Variants in FMNL2 observed in about 807,000 individuals in gnomAD.
FMNL2 encodes the protein formin like 2.
FMNL2 carries 51 observed loss-of-function variants against 130.2 expected under a neutral mutation model. That is an observed-to-expected ratio of 0.39 (90% CI 0.31 to 0.49). The LOEUF (loss-of-function observed/expected upper bound fraction) is 0.49, where lower values mean the gene tolerates loss of function less well. Among genes scored for constraint, FMNL2 ranks in the 20% least tolerant of loss-of-function variants. The pLI is 0.85. For synonymous variants in FMNL2, 465 were observed against 467.1 expected (o/e 1.00, Z 0.06); for missense variants, 977 against 1,316.2 (o/e 0.74, Z 3.99).
At chr2:152,398,730 G>A (rs1206626504) in intron 1 of FMNL2, among the ~76,000 whole-genome samples, 2 of 152,214 alleles carry the variant, frequency 1.3e-5, no homozygotes, top group African/African-American at 4.8e-5. Flanking sequence ...TAAAGAAATA[G>A]TATAGAGGAT....
intron 1 of FMNL2, among the ~76,000 whole-genome samples, chr2:152,427,953 A>C (rs1328431608): frequency 2.0e-5 from 3 of 152,204 alleles, no homozygotes; most frequent in Non-Finnish European, 4.4e-5. Flanking sequence ...ACAACATAGG[A>C]TTACATTCAG....
intron 2 of FMNL2, among the ~76,000 whole-genome samples, chr2:152,525,301 C>T (rs1693326373): frequency 1.3e-5 from 2 of 152,130 alleles, no homozygotes. Flanking sequence ...ATAACTGTGC[C>T]CCTGCTGGAT....
chr2:152,577,643 G>A (rs1696549214), intron 7 of FMNL2, among the ~76,000 whole-genome samples: 3 of 152,188 alleles, frequency 2.0e-5, no homozygotes, highest in Admixed American at 2.0e-4. Flanking sequence ...TAGGAGCCAA[G>A]TGAAGGACAT....
intron 1 of FMNL2, among the ~76,000 whole-genome samples, chr2:152,392,347 C>A (rs1193146371): frequency 6.6e-6 from 1 of 152,096 alleles, no homozygotes; most frequent in Non-Finnish European, 1.5e-5. Flanking sequence ...ATGCATTTTT[C>A]ATCTTTTCTG....
intron 1 of FMNL2, among the ~76,000 whole-genome samples, chr2:152,372,293 A>G (rs1391085081): frequency 6.6e-6 from 1 of 152,198 alleles, no homozygotes; most frequent in Non-Finnish European, 1.5e-5. Context: ...AGGAGAGTCT[A>G]ATTTAGCATT....
chr2:152,357,110 C>T (rs189113041), intron 1 of FMNL2, among the ~76,000 whole-genome samples: 372 of 129,718 alleles, frequency 2.9e-3, no homozygotes, highest in African/African-American at 0.011. Context: ...TAATGTATCA[C>T]GATAAATATT....
intron 1 of FMNL2, among the ~76,000 whole-genome samples, chr2:152,376,584 C>T (rs1684191060): frequency 6.6e-6 from 1 of 152,170 alleles, no homozygotes; most frequent in Admixed American, 6.5e-5. Flanking sequence ...GCAGTGTGGC[C>T]TTGGGCAACT....
intron 1 of FMNL2, among the ~76,000 whole-genome samples, chr2:152,337,713 G>C (rs1366950714): frequency 6.6e-6 from 1 of 152,070 alleles, no homozygotes; most frequent in Non-Finnish European, 1.5e-5. Flanking sequence ...GGTTGTTGTG[G>C]CTACTTTTAC....
chr2:152,582,329 C>CTAG (rs1696838287), intron 9 of FMNL2, among the ~76,000 whole-genome samples: 2 of 152,276 alleles, frequency 1.3e-5, no homozygotes, highest in African/African-American at 4.8e-5. Flanking sequence ...TTCTAGACAC[C>CTAG]AGCCTGTGAG....
Position 152,648,126 on chromosome 2 carries a change from G to T in FMNL2, c.*221G>T. On this transcript the variant is annotated 3_prime_UTR_variant, in exon 26 of 26. Transcript: ENST00000288670. ...CCTGTTCAGATTAATCAAAGCAATA[G>T]GATTTGATTTGATTAGGTATCTTTT... 3 of 481,810 alleles carry T rather than the reference G, an allele frequency of 6.2e-6. No homozygotes were observed. Among genetic ancestry groups the T allele is most frequent in the South Asian group, 7.4e-5 (2 of 27,116 alleles). The allele number at this position is 481,810 out of a possible 1,614,324, so 29.8% of individuals were successfully genotyped here. A position where few individuals can be genotyped will look rare whatever the true frequency, so the allele number is the denominator to read the frequency against.
At chr2:152,540,071 CAG>C (rs1694221747) in intron 2 of FMNL2, among the ~76,000 whole-genome samples, 1 of 152,038 alleles carries the variant, frequency 6.6e-6, no homozygotes, top group African/African-American at 2.4e-5. Flanking sequence ...GCCTGGGTGA[CAG>C]AGTGAGACTC....
intron 1 of FMNL2, among the ~76,000 whole-genome samples, chr2:152,446,639 A>G (rs557178592): frequency 2.6e-5 from 4 of 152,374 alleles, no homozygotes; most frequent in South Asian, 2.1e-4. Context: ...AGGGAATTCA[A>G]CTGGATAAAG....
intron 9 of FMNL2, among the ~76,000 whole-genome samples, chr2:152,593,662 A>G (rs573139289): frequency 1.2e-4 from 18 of 152,354 alleles, no homozygotes; most frequent in African/African-American, 4.3e-4. Flanking sequence ...AATGAAGAGG[A>G]AAGTAGCCCA....
rs7571693 is a variant in FMNL2 at position 152,611,833 on chromosome 2, C to T, written c.1062+228C>T. Among the ~76,000 whole-genome samples the T allele has an allele frequency of 4.3e-3, 653 of 152,322 alleles. 4 individuals carry two copies. The highest frequency in any genetic ancestry group is 0.015 in the African/African-American group (605 of 41,570). On this transcript the variant is annotated intron_variant, in intron 11 of 25. Transcript: ENST00000288670. ...ATCTTCTGCTAGCAGCCTTTTAGTA[C>T]GGGAGTCAGATAACCTCTTGCAGCC... is the stretch of plus-strand genomic sequence containing the variant.
intron 21 of FMNL2, among the ~76,000 whole-genome samples, chr2:152,633,527 C>G (rs1160698111): frequency 6.6e-6 from 1 of 152,148 alleles, no homozygotes; most frequent in Admixed American, 6.5e-5. Flanking sequence ...TGCACTGTTA[C>G]AGGGACAAAT....
chr2:152,584,119 C>T (rs549866548), intron 9 of FMNL2, among the ~76,000 whole-genome samples: 1 of 151,906 alleles, frequency 6.6e-6, no homozygotes, highest in Admixed American at 6.6e-5. Context: ...CCCATCTTTG[C>T]GTGAGTGAAT....
intron 15 of FMNL2, chr2:152,621,172 C>T (rs781741197): frequency 2.3e-5 from 22 of 977,458 alleles, no homozygotes; most frequent in East Asian, 2.3e-4. Context: ...GCCCCCAAGG[C>T]GCACTTGCTG....
intron 1 of FMNL2, among the ~76,000 whole-genome samples, chr2:152,393,319 A>C (rs1685220828): frequency 6.6e-6 from 1 of 152,206 alleles, no homozygotes; most frequent in South Asian, 2.1e-4. Context: ...CTTAAAACAG[A>C]GGGAAACCTA....
At chr2:152,497,012 G>C (rs1691552473) in intron 1 of FMNL2, among the ~76,000 whole-genome samples, 1 of 152,010 alleles carries the variant, frequency 6.6e-6, no homozygotes, top group Non-Finnish European at 1.5e-5. Flanking sequence ...TTTGGTGCTA[G>C]ATGTGCTTAT....
Sources: allele counts gnomAD v4.1 joint callset (sites outside exome capture counted in the v4.1 genomes callset), GRCh38; gene constraint gnomAD v4.1.1; transcripts MANE v1.5; gene names NCBI Gene and HGNC (gene_info 2026-07-23, HGNC 2026-07-21).